ATRN: variants seen among roughly 807,000 people sequenced by gnomAD.
ATRN encodes the protein attractin-2.
In ATRN, 54 loss-of-function variants were observed where a neutral mutation model predicts 178.7. The ratio of observed to expected loss-of-function variants is 0.30; its 90% CI spans 0.24 to 0.38. The LOEUF (loss-of-function observed/expected upper bound fraction) is 0.38, where lower values mean the gene tolerates loss of function less well. Among genes scored for constraint, ATRN ranks in the 10% least tolerant of loss-of-function variants. ATRN has a pLI of 1.00. For missense variants in ATRN, 1,443 were observed against 1,815.1 expected (o/e 0.79, Z 3.73); for synonymous variants, 636 against 663.0 (o/e 0.96, Z 0.63).
intron 24 of ATRN, among the ~76,000 whole-genome samples, chr20:3,612,803 T>G (rs2086784326): frequency 6.6e-6 from 1 of 152,234 alleles, no homozygotes; most frequent in Admixed American, 6.5e-5. Context: ...CGTGCTTTGT[T>G]GCTTATAGCT....
rs2085940910 is a variant in ATRN at position 3,560,791 on chromosome 20, G to A, written c.1333G>A (p.Val445Ile). 3 of 1,614,144 alleles carry A rather than the reference G, an allele frequency of 1.9e-6. No individual in the cohort carries two copies. Among genetic ancestry groups the A allele is most frequent in the Non-Finnish European group, 8.5e-7 (1 of 1,180,036 alleles). ...TAAGGCAAAGGAGCAGTATGCAGTG[G>A]TTGGGCACTCTGCACACATTGTTAC... ...TPKAKEQYAVVGHSAHIVTLK... is the reference protein window; with the variant it reads ...TPKAKEQYAVIGHSAHIVTLK... The change falls in exon 8 of 29, where the codon GTT (valine) becomes ATT (isoleucine). Residue 445 changes from valine to isoleucine, a missense_variant. By Grantham distance (29) the Val-to-Ile change is conservative. Transcript: ENST00000262919.
chr20:3,609,714 ATGTG>A (rs34028518), intron 24 of ATRN, among the ~76,000 whole-genome samples: 16,368 of 146,108 alleles, frequency 0.11, 1,093 homozygotes, highest in Non-Finnish European at 0.15. Flanking sequence ...GTATGTATGT[ATGTG>A]TGTGTGTGTG....
At chr20:3,626,035 C>A (rs891150728) in intron 25 of ATRN, among the ~76,000 whole-genome samples, 1 of 151,964 alleles carries the variant, frequency 6.6e-6, no homozygotes, top group Non-Finnish European at 1.5e-5. Flanking sequence ...AGTTCGAGAC[C>A]AGCCTGGACA....
intron 25 of ATRN, among the ~76,000 whole-genome samples, chr20:3,629,704 C>T (rs143510178): frequency 1.3e-5 from 2 of 152,298 alleles, no homozygotes; most frequent in Non-Finnish European, 2.9e-5. Flanking sequence ...GGTGACTGCT[C>T]ACTCCAAGAT....
At chr20:3,555,615 T>C (rs955363824) in intron 6 of ATRN, among the ~76,000 whole-genome samples, 2 of 152,160 alleles carry the variant, frequency 1.3e-5, no homozygotes, top group Non-Finnish European at 2.9e-5. Context: ...GACTGCACTC[T>C]CATCTGAGCC....
intron 1 of ATRN, among the ~76,000 whole-genome samples, chr20:3,475,556 G>A (rs754536548): frequency 2.0e-5 from 3 of 152,062 alleles, no homozygotes; most frequent in African/African-American, 2.4e-5. Context: ...TACCACTTTC[G>A]TTCATTCTTA....
intron 27 of ATRN, 76 bp downstream of exon 27, chr20:3,639,011 A>T: frequency 8.5e-7 from 1 of 1,182,338 alleles, no homozygotes; most frequent in South Asian, 1.4e-5. Flanking sequence ...AACCAGAGAG[A>T]GCAAAAGCCC....
chr20:3,592,560 T>C, intron 19 of ATRN: 1 of 824,414 alleles, frequency 1.2e-6, no homozygotes, highest in Non-Finnish European at 1.5e-6. Flanking sequence ...AAAAACATAA[T>C]GAGTACTATA....
chr20:3,532,840 G>A (rs1013695225), intron 1 of ATRN, among the ~76,000 whole-genome samples: 1 of 151,896 alleles, frequency 6.6e-6, no homozygotes, highest in Non-Finnish European at 1.5e-5. Context: ...TTGGCTCACT[G>A]CAAGCTCTGC....
At chr20:3,607,018 T>C (rs1408609418) in intron 24 of ATRN, among the ~76,000 whole-genome samples, 1 of 152,228 alleles carries the variant, frequency 6.6e-6, no homozygotes, top group South Asian at 2.1e-4. Context: ...TTAATAGTTA[T>C]AGGATATTTT....
chr20:3,622,073 G>A (rs185689161), intron 24 of ATRN, among the ~76,000 whole-genome samples: 84 of 152,200 alleles, frequency 5.5e-4, no homozygotes, highest in African/African-American at 1.9e-3. Flanking sequence ...GTACAAATAC[G>A]GGCTATGAAT....
intron 24 of ATRN, among the ~76,000 whole-genome samples, chr20:3,619,292 G>T (rs1423708179): frequency 6.6e-6 from 1 of 152,204 alleles, no homozygotes; most frequent in Non-Finnish European, 1.5e-5. Context: ...CACAGCATAT[G>T]GTCAGTAGAC....
chr20:3,536,476 G>A (rs922616433), intron 2 of ATRN, among the ~76,000 whole-genome samples: 2 of 152,130 alleles, frequency 1.3e-5, no homozygotes, highest in African/African-American at 4.8e-5. Context: ...CACACAAAGT[G>A]CTGGGATTAC....
intron 24 of ATRN, among the ~76,000 whole-genome samples, chr20:3,607,812 T>C (rs1600152476): frequency 6.6e-6 from 1 of 152,180 alleles, no homozygotes; most frequent in Non-Finnish European, 1.5e-5. Context: ...ATAGTGGCTG[T>C]ACTAAATAAT....
intron 24 of ATRN, among the ~76,000 whole-genome samples, chr20:3,617,391 A>G (rs905229584): frequency 2.0e-5 from 3 of 152,170 alleles, no homozygotes; most frequent in African/African-American, 7.2e-5. Flanking sequence ...AAATAATATG[A>G]TCATAGGGAA....
intron 28 of ATRN, 41 bp from the exon 29 acceptor site, chr20:3,646,682 C>T (rs1029145654): frequency 1.3e-6 from 2 of 1,517,470 alleles, no homozygotes; most frequent in Admixed American, 4.7e-5. Context: ...AAATAAAAGC[C>T]AGCTGCTCCC....
intron 13 of ATRN, among the ~76,000 whole-genome samples, chr20:3,576,236 A>G (rs759932186): frequency 6.6e-6 from 1 of 152,022 alleles, no homozygotes; most frequent in South Asian, 2.1e-4. Context: ...TCTGATAGTG[A>G]CCTCACTTTA....
intron 1 of ATRN, among the ~76,000 whole-genome samples, chr20:3,523,754 G>A (rs1025067329): frequency 6.6e-6 from 1 of 152,146 alleles, no homozygotes; most frequent in African/African-American, 2.4e-5. Flanking sequence ...GAGAGTGGGG[G>A]CCAATATTCA....
chr20:3,628,232 T>C (rs529305233), intron 25 of ATRN, among the ~76,000 whole-genome samples: 3 of 151,626 alleles, frequency 2.0e-5, no homozygotes, highest in African/African-American at 7.3e-5. Flanking sequence ...AAGCATTTGA[T>C]AAAATTTAAT....
Sources: allele counts gnomAD v4.1 joint callset (sites outside exome capture counted in the v4.1 genomes callset), GRCh38; gene constraint gnomAD v4.1.1; transcripts MANE v1.5; gene names NCBI Gene and HGNC (gene_info 2026-07-23, HGNC 2026-07-21).